Variants in CRACR2A observed in about 807,000 individuals in gnomAD.
The protein encoded by CRACR2A is EF-hand calcium-binding domain-containing protein 4B.
CRACR2A carries 79 observed loss-of-function variants against 90.5 expected under a neutral mutation model. The observed-to-expected ratio is 0.87, with a 90% CI of 0.73 to 1.05. The LOEUF is 1.05. Ranked by LOEUF, CRACR2A falls within the 50% of genes least tolerant of loss-of-function variation. The probability of loss-of-function intolerance (pLI) is 0.00; values close to 1 mark genes in which losing one functional copy is unlikely to be tolerated. For missense variants in CRACR2A, 823 were observed against 897.2 expected, an observed-to-expected ratio of 0.92 and a Z score of 1.06; for synonymous variants, 338 against 356.7, an observed-to-expected ratio of 0.95 and a Z score of 0.59.
At chr12:3,695,797 C>G (rs1180621224) in intron 4 of CRACR2A, among the ~76,000 whole-genome samples, 1 of 152,222 alleles carries the variant, frequency 6.6e-6, no homozygotes, top group Non-Finnish European at 1.5e-5. Context: ...TTTCAAAGTA[C>G]TCTAGTGAAG....
chr12:3,707,804 G>T (rs1243759343), intron 3 of CRACR2A, among the ~76,000 whole-genome samples: 1 of 152,128 alleles, frequency 6.6e-6, no homozygotes, highest in African/African-American at 2.4e-5. Context: ...ATAACACCTG[G>T]CTTGGTATAA....
chr12:3,656,181 G>T (rs568112451), intron 9 of CRACR2A, 130 bp downstream of exon 9: 2 of 769,438 alleles, frequency 2.6e-6, no homozygotes, highest in Non-Finnish European at 4.3e-6. Flanking sequence ...TATCTTTTGC[G>T]CGACTAAATA....
At chr12:3,638,696 C>T (rs1454317264) in intron 13 of CRACR2A, among the ~76,000 whole-genome samples, 1 of 152,136 alleles carries the variant, frequency 6.6e-6, no homozygotes, top group African/African-American at 2.4e-5. Flanking sequence ...ATGATGATGA[C>T]CAAGTATTAA....
chr12:3,644,782 G>T, intron 11 of CRACR2A, 142 bp from the exon 12 acceptor site: 4 of 754,690 alleles, frequency 5.3e-6, no homozygotes, highest in Non-Finnish European at 7.1e-6. Context: ...CTTCCATAGG[G>T]ATGTGATTAA....
chr12:3,627,519 T>C lies in CRACR2A; in HGVS notation c.1849A>G (p.Lys617Glu). The change falls in exon 17 of 20, where the codon AAG becomes GAG. Residue 617 changes from lysine (K) to glutamate (E), a missense_variant. By Grantham distance (56) the Lys-to-Glu change is moderately conservative. Coordinates refer to ENST00000440314, the MANE Select transcript of CRACR2A (RefSeq NM_001144958.2). ...YRCITQQFFR[K>E]ADGVIVMYDL... Reference sequence around the variant, plus strand: ...TACATGACGATGACACCATCTGCCTTTCTGAAGAACTGCTGGGTGATGCAC... The same window carrying C: ...TACATGACGATGACACCATCTGCCTCTCTGAAGAACTGCTGGGTGATGCAC... 6.4e-7 allele frequency: 1 copy of C among 1,551,704 alleles called. No homozygotes were observed. The highest frequency in any genetic ancestry group is 8.7e-7 in the Non-Finnish European group (1 of 1,147,000).
In CRACR2A at chr12:3,664,367, A is replaced by T. The variant is rs1403239607; in HGVS notation, c.672-4713T>A. Among the ~76,000 whole-genome samples the T allele has an allele frequency of 2.6e-5, 4 of 152,338 alleles. No individual in the cohort carries two copies. In the East Asian group the frequency reaches 7.7e-4, roughly 29 times the overall value. On this transcript the variant is annotated intron_variant, in intron 7 of 19. Transcript: ENST00000440314. ...TCATTGATGGCTTCAAATACTTTATATCCTTCTTGTACTTTTGCCTGACTA... is the reference window on the plus strand; with the variant it reads ...TCATTGATGGCTTCAAATACTTTATTTCCTTCTTGTACTTTTGCCTGACTA...
intron 4 of CRACR2A, among the ~76,000 whole-genome samples, chr12:3,695,297 G>C (rs917937723): frequency 6.6e-6 from 1 of 152,196 alleles, no homozygotes; most frequent in African/African-American, 2.4e-5. Flanking sequence ...GTTTGTCAAA[G>C]GTTTCCTCAA....
At chr12:3,721,678 T>C (rs1021928877) in intron 2 of CRACR2A, among the ~76,000 whole-genome samples, 1 of 151,536 alleles carries the variant, frequency 6.6e-6, no homozygotes, top group Non-Finnish European at 1.5e-5. Context: ...AACTAAAATG[T>C]AAGGCAGAAT....
At chr12:3,693,692 G>C (rs1945691296) in intron 4 of CRACR2A, among the ~76,000 whole-genome samples, 1 of 152,098 alleles carries the variant, frequency 6.6e-6, no homozygotes, top group South Asian at 2.1e-4. Flanking sequence ...TAGTCTGATG[G>C]GCTTCCCTTT....
At chr12:3,745,309 T>G (rs1946593784) in intron 1 of CRACR2A, among the ~76,000 whole-genome samples, 1 of 152,106 alleles carries the variant, frequency 6.6e-6, no homozygotes, top group Non-Finnish European at 1.5e-5. Flanking sequence ...CAATGGCAAT[T>G]TCTGACCGTG....
At chr12:3,749,480 C>T (rs1946673357) in intron 1 of CRACR2A, among the ~76,000 whole-genome samples, 1 of 152,182 alleles carries the variant, frequency 6.6e-6, no homozygotes, top group Admixed American at 6.5e-5. Context: ...GCTCCACAAA[C>T]TCAGCTCTTC....
intron 5 of CRACR2A, among the ~76,000 whole-genome samples, chr12:3,679,464 C>T (rs1438862405): frequency 1.3e-5 from 2 of 152,180 alleles, no homozygotes; most frequent in Non-Finnish European, 2.9e-5. Context: ...ACTGCAGAGG[C>T]TCCTATTGTC....
chr12:3,643,978 G>A (rs1158155250), intron 12 of CRACR2A, among the ~76,000 whole-genome samples: 3 of 132,350 alleles, frequency 2.3e-5, no homozygotes, highest in Admixed American at 8.9e-5. Context: ...AATTTCATCC[G>A]TTAATACTAG....
intron 4 of CRACR2A, among the ~76,000 whole-genome samples, chr12:3,680,839 A>G (rs1245715556): frequency 6.6e-6 from 1 of 152,258 alleles, no homozygotes; most frequent in Non-Finnish European, 1.5e-5. Flanking sequence ...ATACTCACAC[A>G]GCATGGTGCT....
At chr12:3,674,993 AT>A (rs924152458) in intron 6 of CRACR2A, among the ~76,000 whole-genome samples, 60 of 152,288 alleles carry the variant, frequency 3.9e-4, no homozygotes, top group African/African-American at 1.3e-3. Flanking sequence ...CATTTAATTA[AT>A]TTAACCTGAT....
At chr12:3,688,181 T>G (rs562502850) in intron 4 of CRACR2A, among the ~76,000 whole-genome samples, 1 of 152,340 alleles carries the variant, frequency 6.6e-6, no homozygotes, top group South Asian at 2.1e-4. Context: ...GTGCAGAAGC[T>G]CTTTAGTTTA....
intron 10 of CRACR2A, among the ~76,000 whole-genome samples, chr12:3,652,588 G>T (rs1377690208): frequency 1.3e-5 from 2 of 152,156 alleles, no homozygotes; most frequent in Non-Finnish European, 2.9e-5. Context: ...AACCAGCAGA[G>T]CAGTTTTATT....
At chr12:3,684,194 C>T (rs896922441) in intron 4 of CRACR2A, among the ~76,000 whole-genome samples, 2 of 152,164 alleles carry the variant, frequency 1.3e-5, no homozygotes, top group Non-Finnish European at 2.9e-5. Context: ...ACTGTCCCTC[C>T]TTTTGGGGCA....
intron 1 of CRACR2A, among the ~76,000 whole-genome samples, chr12:3,747,440 C>T (rs183793801): frequency 2.2e-3 from 329 of 152,274 alleles, no homozygotes; most frequent in Non-Finnish European, 3.5e-3. Flanking sequence ...GCCTCCCTCC[C>T]GCATCAGCAC....
Sources: gnomAD v4.1 joint callset for allele counts (sites outside exome capture counted in the v4.1 genomes callset) on GRCh38, gnomAD v4.1.1 for gene constraint, MANE v1.5 for transcripts, NCBI Gene and HGNC (gene_info 2026-07-23, HGNC 2026-07-21) for gene names.